TTC39A: variants seen among roughly 807,000 people sequenced by gnomAD.
TTC39A encodes the protein tetratricopeptide repeat protein 39A.
A neutral mutation model predicts 82.3 loss-of-function variants in TTC39A; 46 were observed. The observed-to-expected ratio is 0.56, with a 90% CI of 0.44 to 0.71. The LOEUF (loss-of-function observed/expected upper bound fraction) is 0.71. Among genes scored for constraint, TTC39A ranks in the 30% least tolerant of loss-of-function variants. TTC39A has a pLI of 0.00. For missense variants in TTC39A, 543 were observed against 712.9 expected (o/e 0.76, Z 2.71); for synonymous variants, 254 against 275.2 (o/e 0.92, Z 0.76).
In TTC39A at chr1:51,288,394, T is replaced by G; in HGVS notation, c.1611-114A>C. On this transcript the variant is annotated intron_variant, in intron 17 of 17. Transcript: ENST00000680483. The surrounding 1 kb of genome is among the most constrained non-coding windows in gnomAD (Gnocchi z 4.8). ...CAAGGAAGGATTGTAGAGAAATTAA[T>G]GTGTCCAGAGAGAGTTGAGCCCTAC... 3.3e-6 allele frequency: 5 copies of G among 1,532,718 alleles called. No homozygotes were observed. The East Asian group carries it at 1.1e-4, about 35-fold the overall frequency. 94.9% of individuals were successfully genotyped at this position (1,532,718 alleles called of 1,614,324 possible).
chr1:51,328,920 G>A (rs1164721626), intron 1 of TTC39A, among the ~76,000 whole-genome samples: 1 of 152,202 alleles, frequency 6.6e-6, no homozygotes, highest in Non-Finnish European at 1.5e-5. Flanking sequence ...GTCCTGCTGC[G>A]TGCGGCCCTC....
intron 2 of TTC39A, among the ~76,000 whole-genome samples, chr1:51,316,487 G>T (rs992381181): frequency 4.6e-5 from 7 of 152,058 alleles, no homozygotes; most frequent in African/African-American, 1.7e-4. Flanking sequence ...CCAACCTTCT[G>T]CTGAACCTAG....
At chr1:51,325,189 G>T (rs970850190) in intron 1 of TTC39A, among the ~76,000 whole-genome samples, 1 of 151,944 alleles carries the variant, frequency 6.6e-6, no homozygotes, top group Non-Finnish European at 1.5e-5. Context: ...GGGAGGCAGA[G>T]GTTGTGGTGA....
chr1:51,310,878 T>C (rs1220014217), intron 5 of TTC39A, among the ~76,000 whole-genome samples: 2 of 152,256 alleles, frequency 1.3e-5, no homozygotes, highest in South Asian at 2.1e-4. Context: ...TACATACCTA[T>C]ACCGTGTGCA....
chr1:51,295,070 C>T (rs1644364200), intron 13 of TTC39A, among the ~76,000 whole-genome samples: 1 of 152,230 alleles, frequency 6.6e-6, no homozygotes, highest in South Asian at 2.1e-4. Context: ...ATTTCTGCCA[C>T]AGTCACCGGG....
chr1:51,323,939 A>G (rs574656047), intron 1 of TTC39A, among the ~76,000 whole-genome samples: 1 of 152,216 alleles, frequency 6.6e-6, no homozygotes, highest in South Asian at 2.1e-4. Context: ...TTTTGCAATT[A>G]TATTACAAAT....
intron 3 of TTC39A, 23 bp downstream of exon 3, chr1:51,312,789 T>TC: frequency 1.9e-6 from 3 of 1,610,316 alleles, no homozygotes; most frequent in Non-Finnish European, 1.7e-6. Context: ...CAACCTCTGA[T>TC]CCCTGCCCCC....
chr1:51,327,030 G>T (rs941255044), intron 1 of TTC39A, among the ~76,000 whole-genome samples: 3 of 152,224 alleles, frequency 2.0e-5, no homozygotes, highest in Non-Finnish European at 4.4e-5. Flanking sequence ...CTAGAGGGTG[G>T]GAGGGGGTGT....
At chr1:51,344,781 C>T (rs571809223) in intron 1 of TTC39A, among the ~76,000 whole-genome samples, 3 of 152,382 alleles carry the variant, frequency 2.0e-5, no homozygotes, top group Admixed American at 1.3e-4. Flanking sequence ...GTCTACCCTC[C>T]CCAGTTCCCG....
chr1:51,326,334 G>T (rs540226707), intron 1 of TTC39A, among the ~76,000 whole-genome samples: 17 of 152,260 alleles, frequency 1.1e-4, no homozygotes, highest in Middle Eastern at 6.8e-3. Context: ...AGAAGTCTAA[G>T]AAGGGGAAAC....
chr1:51,339,247 C>T (rs541144013), intron 1 of TTC39A, among the ~76,000 whole-genome samples: 6 of 152,156 alleles, frequency 3.9e-5, no homozygotes, highest in African/African-American at 1.4e-4. Context: ...CCCAGTTCCA[C>T]GTGGATGGGG....
chr1:51,333,824 G>T (rs533562417), upstream of TTC39A, among the ~76,000 whole-genome samples: 54 of 152,324 alleles, frequency 3.5e-4, no homozygotes, highest in Admixed American at 3.2e-3. Flanking sequence ...CTGACATCAG[G>T]TACCTGACTA....
chr1:51,294,300 C>CT lies in TTC39A; in HGVS notation c.1266+90dup, dbSNP rs1644329237. Reference sequence around the variant, plus strand: ...AGGCCCCTGAGGCATGAAGGTCTTTCTCCTCATCCACCTCCCCCTGGCTGT... The same window carrying CT: ...AGGCCCCTGAGGCATGAAGGTCTTTCTTCCTCATCCACCTCCCCCTGGCTGT... On this transcript the variant is annotated intron_variant, in intron 14 of 17. Coordinates refer to ENST00000680483, the MANE Select transcript of TTC39A (RefSeq NM_001297663.2). The surrounding 1 kb of genome is among the most constrained non-coding windows in gnomAD (Gnocchi z 4.3). 24 of 1,587,114 alleles carry CT rather than the reference C, an allele frequency of 1.5e-5. No individual in the cohort carries two copies. Among genetic ancestry groups the CT allele is most frequent in the Non-Finnish European group, 2.0e-5 (23 of 1,164,608 alleles).
chr1:51,294,261 G>C lies in TTC39A; in HGVS notation c.1266+130C>G. The C allele has an allele frequency of 6.9e-7, 1 of 1,445,204 alleles. No individual in the cohort carries two copies. Among genetic ancestry groups the C allele is most frequent in the Non-Finnish European group, 9.3e-7 (1 of 1,079,626 alleles). 89.5% of individuals were successfully genotyped at this position (1,445,204 alleles called of 1,614,324 possible). ...GCTGGGCCAGACTCCCAGGTGAATT[G>C]TGAAACCCTCCCCAGGCCCCTGAGG... On this transcript the variant is annotated intron_variant, in intron 14 of 17. Coordinates refer to ENST00000680483, the MANE Select transcript of TTC39A (RefSeq NM_001297663.2). This position sits in a 1 kb window ranked among gnomAD's most constrained non-coding sequence, Gnocchi z 4.3.
intron 15 of TTC39A, 58 bp downstream of exon 15, chr1:51,290,456 G>A: frequency 6.7e-7 from 1 of 1,483,812 alleles, no homozygotes. Context: ...GCAGAGGGAA[G>A]CTTCAGCTGT....
chr1:51,301,218 C>G, intron 12 of TTC39A: 1 of 196,190 alleles, frequency 5.1e-6, no homozygotes, highest in Non-Finnish European at 1.0e-5. Context: ...TGAAAACAAT[C>G]AGTTTCCCAG....
chr1:51,311,717 T>C (rs1645090491), intron 4 of TTC39A, among the ~76,000 whole-genome samples: 1 of 152,224 alleles, frequency 6.6e-6, no homozygotes, highest in Non-Finnish European at 1.5e-5. Flanking sequence ...CCCAGACCAC[T>C]TCTTCTCATG....
In TTC39A at chr1:51,325,619, GGCTAAGGTCACACATCCAA is replaced by G. The variant is rs1478231457; in HGVS notation, c.42-3813_42-3795del. ...CTGAGGCACAGAGGACGGGTAACTT[GGCTAAGGTCACACATCCAA>G]GCTAAGGTCACACATCCAAGCATGC... is the stretch of plus-strand genomic sequence containing the variant. On this transcript the variant is annotated intron_variant, in intron 1 of 17. Coordinates refer to ENST00000680483, the MANE Select transcript of TTC39A (RefSeq NM_001297663.2). Among the ~76,000 whole-genome samples the G allele has an allele frequency of 2.6e-5, 4 of 152,146 alleles. No homozygotes were observed. The South Asian group carries it at 6.2e-4, about 24-fold the overall frequency.
intron 9 of TTC39A, 54 bp from the exon 10 acceptor site, chr1:51,302,627 G>C: frequency 6.4e-7 from 1 of 1,553,850 alleles, no homozygotes; most frequent in Non-Finnish European, 8.7e-7. Context: ...TGGCTCCTGT[G>C]ATCCTGCCAG....
Sources: gnomAD v4.1 joint callset for allele counts (sites outside exome capture counted in the v4.1 genomes callset) on GRCh38, gnomAD v4.1.1 for gene constraint, Gnocchi (gnomAD v3.1) non-coding constraint, MANE v1.5 for transcripts, NCBI Gene and HGNC (gene_info 2026-07-23, HGNC 2026-07-21) for gene names.